Variants in KDM5A observed in about 807,000 individuals in gnomAD.
The protein encoded by KDM5A is lysine-specific demethylase 5A.
A neutral mutation model predicts 193.5 loss-of-function variants in KDM5A; 42 were observed. The ratio of observed to expected loss-of-function variants is 0.22; its 90% CI spans 0.17 to 0.28. KDM5A has a LOEUF of 0.28. Ranked by LOEUF, KDM5A falls within the 10% of genes least tolerant of loss-of-function variation. The pLI, the probability that KDM5A is intolerant of heterozygous loss-of-function variation, is 1.00. For synonymous variants in KDM5A, 796 were observed against 718.1 expected, an observed-to-expected ratio of 1.11 and a Z score of -1.73; for missense variants, 1,692 against 2,055.1, an observed-to-expected ratio of 0.82 and a Z score of 3.42.
intron 10 of KDM5A, among the ~76,000 whole-genome samples, chr12:343,573 C>T (rs1944034049): frequency 6.6e-6 from 1 of 152,178 alleles, no homozygotes; most frequent in Non-Finnish European, 1.5e-5. Context: ...AAGCATCAAG[C>T]AGCAATATTT....
intron 24 of KDM5A, among the ~76,000 whole-genome samples, chr12:302,701 A>C (rs1943458623): frequency 6.6e-6 from 1 of 152,254 alleles, no homozygotes; most frequent in Admixed American, 6.5e-5. Context: ...GCTTCTGCAC[A>C]GCAAAAGAAA....
At chr12:372,043 G>A (rs936164305) in intron 3 of KDM5A, among the ~76,000 whole-genome samples, 4 of 152,190 alleles carry the variant, frequency 2.6e-5, no homozygotes, top group African/African-American at 9.7e-5. Flanking sequence ...GATGCCTCCA[G>A]CTTTGTTCTT....
At chr12:361,613 A>G (rs1944295965) in intron 5 of KDM5A, among the ~76,000 whole-genome samples, 1 of 152,222 alleles carries the variant, frequency 6.6e-6, no homozygotes, top group African/African-American at 2.4e-5. Flanking sequence ...GATGGACAGG[A>G]GCAATTGGGG....
At chr12:370,020 A>G (rs866434209) in intron 3 of KDM5A, among the ~76,000 whole-genome samples, 1 of 152,148 alleles carries the variant, frequency 6.6e-6, no homozygotes. Flanking sequence ...TACTCTAACA[A>G]TCTAACCAAA....
chr12:321,182 C>T, intron 17 of KDM5A, 73 bp from the exon 18 acceptor site: 8 of 1,040,330 alleles, frequency 7.7e-6, no homozygotes, highest in Non-Finnish European at 1.1e-5. Flanking sequence ...CTCCTAGTCT[C>T]TTCAGAATTC....
intron 9 of KDM5A, among the ~76,000 whole-genome samples, chr12:351,473 G>C (rs1350227356): frequency 3.9e-5 from 6 of 151,986 alleles, no homozygotes; most frequent in Admixed American, 3.9e-4. Flanking sequence ...TGGGCATCTG[G>C]GTTGGTTTCA....
chr12:336,031 G>T (rs145739619), intron 10 of KDM5A, among the ~76,000 whole-genome samples: 1 of 107,816 alleles, frequency 9.3e-6, no homozygotes. Flanking sequence ...CAACAAGAGC[G>T]ATACTTCATC....
intron 3 of KDM5A, among the ~76,000 whole-genome samples, chr12:374,947 T>C (rs1490505959): frequency 6.6e-6 from 1 of 152,220 alleles, no homozygotes; most frequent in Non-Finnish European, 1.5e-5. Context: ...AGAGATCCGC[T>C]GTTAGTCTGA....
intron 2 of KDM5A, 81 bp from the exon 3 acceptor site, chr12:384,234 G>T: frequency 9.8e-7 from 1 of 1,025,000 alleles, no homozygotes. Flanking sequence ...CAAACCCCAG[G>T]ATGTGGACCA....
chr12:357,792 C>T (rs1473105447), intron 5 of KDM5A, among the ~76,000 whole-genome samples: 3 of 132,496 alleles, frequency 2.3e-5, no homozygotes, highest in Admixed American at 8.8e-5. Context: ...TGCACCACTG[C>T]ACTCCAGCCT....
intron 19 of KDM5A, among the ~76,000 whole-genome samples, chr12:314,438 T>G (rs2137398762): frequency 6.6e-6 from 1 of 152,252 alleles, no homozygotes; most frequent in Non-Finnish European, 1.5e-5. Context: ...CTCGTGATTC[T>G]CCTGCCTCAG....
chr12:367,968 A>T (rs1481824243), intron 3 of KDM5A, among the ~76,000 whole-genome samples: 1 of 152,242 alleles, frequency 6.6e-6, no homozygotes, highest in Admixed American at 6.5e-5. Flanking sequence ...GGACTCAAAC[A>T]GATTCTTGCA....
chr12:356,283 A>T (rs1170872829), intron 6 of KDM5A, 149 bp downstream of exon 6: 18 of 651,384 alleles, frequency 2.8e-5, no homozygotes, highest in Non-Finnish European at 4.9e-5. Flanking sequence ...GAGATCTGGC[A>T]TTAAAAAAGG....
intron 19 of KDM5A, among the ~76,000 whole-genome samples, chr12:315,985 CAG>C (rs1287569672): frequency 1.3e-5 from 2 of 152,046 alleles, no homozygotes; most frequent in Non-Finnish European, 2.9e-5. Context: ...ATGAAATTTC[CAG>C]AGAGACTGTA....
intron 5 of KDM5A, among the ~76,000 whole-genome samples, chr12:362,724 A>C (rs1329870615): frequency 6.6e-6 from 1 of 152,222 alleles, no homozygotes; most frequent in Non-Finnish European, 1.5e-5. Context: ...TCAAGGTTTA[A>C]AGAACAACAG....
At position 350,688 on chromosome 12, in the gene KDM5A, G is replaced by C. The variant is rs1565542593; in HGVS notation, c.1241C>G (p.Ser414Cys). The C allele has an allele frequency of 6.2e-7, 1 of 1,613,936 alleles. No individual in the cohort carries two copies. ...DVIVEYGADISSKDFGSGFPV... is the reference protein window; with the variant it reads ...DVIVEYGADICSKDFGSGFPV... ...AAATCCACTTCCAAAGTCTTTTGAGGAGATATCTGCTCCATATTCCACAAT... is the reference window on the plus strand; with the variant it reads ...AAATCCACTTCCAAAGTCTTTTGAGCAGATATCTGCTCCATATTCCACAAT... The change falls in exon 10 of 28, where the codon TCC (serine) becomes TGC (cysteine). Residue 414 changes from serine (S) to cysteine (C), a missense_variant. Physicochemically the swap from Ser to Cys is moderately radical, Grantham distance 112. Around this residue, in one of 11 missense-constraint regions of KDM5A, gnomAD observed 172 missense variants for 260.3 expected, o/e 0.66. Coordinates refer to ENST00000399788, the MANE Select transcript of KDM5A (RefSeq NM_001042603.3).
intron 24 of KDM5A, among the ~76,000 whole-genome samples, chr12:298,827 T>C (rs1245913564): frequency 6.6e-6 from 1 of 151,954 alleles, no homozygotes; most frequent in African/African-American, 2.4e-5. Context: ...AATTGCTAAC[T>C]AGAATAACCA....
In KDM5A at chr12:285,294, C is replaced by T. The variant is rs1943206365; in HGVS notation, c.*162G>A. On this transcript the variant is annotated 3_prime_UTR_variant, in exon 28 of 28. Transcript: ENST00000399788. ...AGATATGTTGATAGAGAATGTAACCCACAGAGTCCATGCAAAGAGGAAGCC... is the reference window on the plus strand; with the variant it reads ...AGATATGTTGATAGAGAATGTAACCTACAGAGTCCATGCAAAGAGGAAGCC... 1 of 643,314 alleles carries T rather than the reference C, an allele frequency of 1.6e-6. No individual in the cohort carries two copies. The highest frequency in any genetic ancestry group is 1.9e-5 in the South Asian group (1 of 52,768). The allele number at this position is 643,314 out of a possible 1,614,324, so 39.9% of individuals were successfully genotyped here. A position where few individuals can be genotyped will look rare whatever the true frequency, so the allele number is the denominator to read the frequency against.
chr12:307,748 G>A lies in KDM5A; in HGVS notation c.3636C>T (p.Cys1212=), dbSNP rs764951137. Residue 1212 remains cysteine, a synonymous_variant, in exon 23 of 28, where the codon TGC becomes TGT. Coordinates refer to ENST00000399788, the MANE Select transcript of KDM5A (RefSeq NM_001042603.3). This position sits in a 1 kb window ranked among gnomAD's most constrained non-coding sequence, Gnocchi z 4.3. ...GCCTTCGAGACCGCATACAAAGAGG[G>A]CAAAGGAATTTTACTTCTTTAGCTT... ...SWQAKEVKFL[C]PLCMRSRRPR... 1.9e-6 allele frequency: 3 copies of A among 1,614,060 alleles called. No individual in the cohort carries two copies. Among genetic ancestry groups the A allele is most frequent in the East Asian group, 2.2e-5 (1 of 44,888 alleles).
Sources: allele counts gnomAD v4.1 joint callset (sites outside exome capture counted in the v4.1 genomes callset), GRCh38; gene constraint gnomAD v4.1.1; regional missense constraint gnomAD v4.1.1; non-coding constraint Gnocchi (gnomAD v3.1); transcripts MANE v1.5; gene names NCBI Gene and HGNC (gene_info 2026-07-23, HGNC 2026-07-21).